Variants in KRT13 observed in about 807,000 individuals in gnomAD.
The protein encoded by KRT13 is keratin, type I cytoskeletal 13.
A neutral mutation model predicts 40.6 loss-of-function variants in KRT13; 27 were observed. The observed-to-expected ratio is 0.67, with a 90% CI of 0.49 to 0.92. The LOEUF (loss-of-function observed/expected upper bound fraction) is 0.92, where lower values mean the gene tolerates loss of function less well. Among genes scored for constraint, KRT13 ranks in the 40% least tolerant of loss-of-function variants. The pLI, the probability that KRT13 is intolerant of heterozygous loss-of-function variation, is 0.00. For synonymous variants in KRT13, 266 were observed against 240.3 expected (o/e 1.11, Z -0.99); for missense variants, 605 against 611.5 (o/e 0.99, Z 0.11).
rs1904851217 is a variant in KRT13 at position 41,501,550 on chromosome 17, CA to C, written c.1270+168del. ...CTCTGTGGGGCAGAGCCATCAGTTT[CA>C]AAAGGAAAATCAGTGAGCGAATGAC... On this transcript the variant is annotated intron_variant, in intron 7 of 7. Coordinates refer to ENST00000246635, the MANE Select transcript of KRT13 (RefSeq NM_153490.3). 72 of 1,277,544 alleles carry C rather than the reference CA, an allele frequency of 5.6e-5. No individual in the cohort carries two copies. In the South Asian group the frequency reaches 8.8e-4, roughly 16 times the overall value. 79.1% of individuals were successfully genotyped at this position (1,277,544 alleles called of 1,614,324 possible).
At position 41,501,347 on chromosome 17, in the gene KRT13, C is replaced by T. The variant is rs150321809; in HGVS notation, c.1286G>A (p.Arg429His). 2,772 of 1,564,846 alleles carry T rather than the reference C, an allele frequency of 1.8e-3. 4 individuals are homozygous for T. The highest frequency in any genetic ancestry group is 3.7e-3 in the Middle Eastern group (22 of 6,004). Residue 429 changes from arginine (R) to histidine (H), a missense_variant, in exon 8 of 8, where the codon CGT becomes CAT. Transcript: ENST00000246635. ...FPSSAGSVSP[R>H]STSVTTTSSA... ...AGAAGTCGTGGTAACAGAGGTGCTACGGGGGCTGACGCTTCCTGGGAAACA... is the reference window on the plus strand; with the variant it reads ...AGAAGTCGTGGTAACAGAGGTGCTATGGGGGCTGACGCTTCCTGGGAAACA...
At chr17:41,503,219 T>G in intron 3 of KRT13, 68 bp downstream of exon 3, 3 of 1,606,584 alleles carry the variant, frequency 1.9e-6, no homozygotes, top group Non-Finnish European at 2.6e-6. Flanking sequence ...TGTGTCCAGT[T>G]GCAGGGGAGG....
At position 41,503,822 on chromosome 17, in the gene KRT13, A is replaced by G. The variant is rs71373417; in HGVS notation, c.496-97T>C. 1,639 of 889,664 alleles carry G rather than the reference A, an allele frequency of 1.8e-3. 17 individuals are homozygous for G. In the African/African-American group the frequency reaches 0.024, roughly 13 times the overall value. The allele number at this position is 889,664 out of a possible 1,614,324, so 55.1% of individuals were successfully genotyped here. ...GAAGAAGAATTGTCTTGGGCAACAC[A>G]TCAAATACGCTAACACTAACGATAG... On this transcript the variant is annotated intron_variant, in intron 1 of 7. Coordinates refer to ENST00000246635, the MANE Select transcript of KRT13 (RefSeq NM_153490.3).
Position 41,505,384 on chromosome 17 carries a change from C to T in KRT13, c.167G>A (p.Gly56Glu). The T allele has an allele frequency of 6.2e-7, 1 of 1,613,844 alleles. No homozygotes were observed. The highest frequency in any genetic ancestry group is 8.5e-7 in the Non-Finnish European group (1 of 1,179,748). ...GCCACCTCCAAAGCCACTACCAGCC[C>T]CTCCACCAAAACCACAGCTCACGCC... Reference protein sequence around the residue: ...GGGVSCGFGGGAGSGFGGGYG... With the variant: ...GGGVSCGFGGEAGSGFGGGYG... Residue 56 changes from glycine to glutamate, a missense_variant, in exon 1 of 8, where the codon GGG (glycine) becomes GAG (glutamate). Coordinates refer to ENST00000246635, the MANE Select transcript of KRT13 (RefSeq NM_153490.3).
chr17:41,505,022 A>G (rs987403826), intron 1 of KRT13, 34 bp downstream of exon 1: 4 of 1,613,108 alleles, frequency 2.5e-6, no homozygotes, highest in African/African-American at 1.3e-5. Context: ...TCTGCCCTTC[A>G]TGGAGGACCC....
chr17:41,503,803 G>A, intron 1 of KRT13, 78 bp from the exon 2 acceptor site: 2 of 1,091,690 alleles, frequency 1.8e-6, no homozygotes, highest in South Asian at 1.2e-5. Context: ...ATTGGAAGAA[G>A]AATTGTCTTG....
Position 41,502,794 on chromosome 17 carries a change from C to T in KRT13, c.916G>A (p.Glu306Lys), listed in dbSNP as rs781728994. 6 of 1,614,062 alleles carry T rather than the reference C, an allele frequency of 3.7e-6. No individual in the cohort carries two copies. In the East Asian group the frequency reaches 1.3e-4, roughly 36 times the overall value. ...ATCATGGCAGTGTTGGTAGACACCT[C>T]CTTGTTCAGCTCTGCACTCTGAAAT... is the stretch of plus-strand genomic sequence containing the variant. ...FHTKSAELNK[E>K]VSTNTAMIQT... The change falls in exon 5 of 8, where the codon GAG becomes AAG. Residue 306 changes from glutamate (E) to lysine (K), a missense_variant. Coordinates refer to ENST00000246635, the MANE Select transcript of KRT13 (RefSeq NM_153490.3).
At position 41,501,043 on chromosome 17, in the gene KRT13, G is replaced by A. The variant is rs1356902573; in HGVS notation, c.*213C>T. 2.1e-6 allele frequency: 1 copy of A among 477,084 alleles called. No individual in the cohort carries two copies. Among genetic ancestry groups the A allele is most frequent in the Non-Finnish European group, 3.9e-6 (1 of 257,472 alleles). 29.6% of individuals were successfully genotyped at this position (477,084 alleles called of 1,614,324 possible). On this transcript the variant is annotated 3_prime_UTR_variant, in exon 8 of 8. Transcript: ENST00000246635. ...CTTTTCTTTGGGGTAGAGAAGTTGA[G>A]AAACCAAAGCGTATCCAGGTCAGAG...
chr17:41,501,864 T>G lies in KRT13; in HGVS notation c.1245-120A>C. ...AGCCCCTGGGCTGGACTCTAGTGCC[T>G]CCTAGCTGTGCCCCCAGCTCAAGGG... On this transcript the variant is annotated intron_variant, in intron 6 of 7. Transcript: ENST00000246635. The G allele has an allele frequency of 2.6e-6, 4 of 1,543,966 alleles. No individual in the cohort carries two copies. The South Asian group carries it at 4.8e-5, about 19-fold the overall frequency.
At position 41,505,562 on chromosome 17, in the gene KRT13, G is replaced by A. The variant is rs868427058; in HGVS notation, c.-12C>T. On this transcript the variant is annotated 5_prime_UTR_variant, in exon 1 of 8. Transcript: ENST00000246635. ...AGGCGGAGGCTCATGGTGAGAGCAG[G>A]ATTGAGAGCAGGTGCAGATAGAAGC... 1 of 1,614,144 alleles carries A rather than the reference G, an allele frequency of 6.2e-7. No individual in the cohort carries two copies. Among genetic ancestry groups the A allele is most frequent in the South Asian group, 1.1e-5 (1 of 91,092 alleles).
rs753804151 is a variant in KRT13 at position 41,501,748 on chromosome 17, G to GGA, written c.1245-6_1245-5dup. 6.3e-7 allele frequency: 1 copy of GGA among 1,595,244 alleles called. No individual in the cohort carries two copies. The highest frequency in any genetic ancestry group is 1.1e-5 in the South Asian group (1 of 87,766). On this transcript the variant is annotated splice_polypyrimidine_tract_variant and splice_region_variant and intron_variant, in intron 6 of 7. Coordinates refer to ENST00000246635, the MANE Select transcript of KRT13 (RefSeq NM_153490.3). ...TGAGGAAGGGAAACCAATCATCCTG[G>GGA]GAGAGAGGACAGAGGTGGCCATGAG...
intron 7 of KRT13, 108 bp downstream of exon 7, chr17:41,501,611 G>A: frequency 1.2e-5 from 18 of 1,534,854 alleles, no homozygotes; most frequent in Non-Finnish European, 1.5e-5. Flanking sequence ...CCCTACACTG[G>A]AGAGCCCAGC....
chr17:41,502,681 G>T lies in KRT13; in HGVS notation c.1023+6C>A, dbSNP rs779098221. On this transcript the variant is annotated splice_donor_region_variant and intron_variant, in intron 5 of 7. Coordinates refer to ENST00000246635, the MANE Select transcript of KRT13 (RefSeq NM_153490.3). The stretch of plus-strand genomic sequence containing the variant: ...GTCGCCACCGGGCAGGAGGCTGCAG[G>T]CATACCATGCTCAGCTGGGACTGCA... The T allele has an allele frequency of 1.2e-5, 20 of 1,613,722 alleles. No individual in the cohort carries two copies. Among genetic ancestry groups the T allele is most frequent in the Non-Finnish European group, 1.6e-5 (19 of 1,180,032 alleles).
chr17:41,503,440 A>G lies in KRT13; in HGVS notation c.582T>C (p.Tyr194=). The change falls in exon 3 of 8, where the codon TAT becomes TAC. Residue 194 remains tyrosine, a synonymous_variant. Transcript: ENST00000246635. ...RLAADDFRLK[Y]ENELALRQSV... Reference sequence around the variant, plus strand: ...TCTGGCGCAGGGCCAGCTCATTCTCATACCTAAAATAGTAAAAAAATGAAA... The same window carrying G: ...TCTGGCGCAGGGCCAGCTCATTCTCGTACCTAAAATAGTAAAAAAATGAAA... The G allele has an allele frequency of 6.2e-7, 1 of 1,614,180 alleles. No individual in the cohort carries two copies. Among genetic ancestry groups the G allele is most frequent in the Non-Finnish European group, 8.5e-7 (1 of 1,180,022 alleles).
At chr17:41,503,819 C>T (rs1904962845) in intron 1 of KRT13, 94 bp from the exon 2 acceptor site, 1 of 919,920 alleles carries the variant, frequency 1.1e-6, no homozygotes, top group Middle Eastern at 3.0e-4. Context: ...TCTTGGGCAA[C>T]ACATCAAATA....
At position 41,502,527 on chromosome 17, in the gene KRT13, T is replaced by G; in HGVS notation, c.1091A>C (p.Gln364Pro). ...CRYALQLQQI[Q>P]GLISSIEAQL... is the part of the protein sequence containing the mutation. ...GGCCTCGATGCTGCTGATGAGTCCC[T>G]GGATCTGCTGCAGCTGCAGGGCATA... The change falls in exon 6 of 8, where the codon CAG becomes CCG. Residue 364 changes from glutamine (Q) to proline (P), a missense_variant. Transcript: ENST00000246635. The G allele has an allele frequency of 6.2e-7, 1 of 1,614,034 alleles. No homozygotes were observed. The highest frequency in any genetic ancestry group is 8.5e-7 in the Non-Finnish European group (1 of 1,180,034).
intron 1 of KRT13, chr17:41,504,605 A>G (rs969668755): frequency 3.2e-5 from 6 of 186,330 alleles, no homozygotes; most frequent in Non-Finnish European, 6.8e-5. Flanking sequence ...CTCTCCCCCA[A>G]CTTGGCCATC....
rs1194205372 is a variant in KRT13, at chr17:41,501,702, C to A, written c.1270+17G>T. ...GCTAACTCTGCCTCCCCCTACACCA[C>A]GGGGCTGTTCCCTTACCTGCTGAGG... is the stretch of plus-strand genomic sequence containing the variant. On this transcript the variant is annotated intron_variant, in intron 7 of 7. Coordinates refer to ENST00000246635, the MANE Select transcript of KRT13 (RefSeq NM_153490.3). The A allele has an allele frequency of 1.3e-6, 2 of 1,577,702 alleles. No individual in the cohort carries two copies. Among genetic ancestry groups the A allele is most frequent in the East Asian group, 2.3e-5 (1 of 43,234 alleles).
chr17:41,502,016 C>G, intron 6 of KRT13: 1 of 1,417,902 alleles, frequency 7.1e-7, no homozygotes, highest in Non-Finnish European at 9.2e-7. Flanking sequence ...CGCCCAAACC[C>G]GCAACCCTCC....
Sources: gnomAD v4.1 joint callset for allele counts on GRCh38, gnomAD v4.1.1 for gene constraint, MANE v1.5 for transcripts, NCBI Gene and HGNC (gene_info 2026-07-23, HGNC 2026-07-21) for gene names.